Variants in KIRREL3 observed in about 807,000 individuals in gnomAD.
KIRREL3 encodes the protein kirre like nephrin family adhesion molecule 3.
Under a neutral mutation model 89.7 loss-of-function variants are expected in KIRREL3, and 36 were observed. That is an observed-to-expected ratio of 0.40 (90% CI 0.31 to 0.53). The LOEUF is 0.53. Among genes scored for constraint, KIRREL3 ranks in the 20% least tolerant of loss-of-function variants. The pLI is 0.49. For synonymous variants in KIRREL3, 445 were observed against 441.4 expected, an observed-to-expected ratio of 1.01 and a Z score of -0.10; for missense variants, 864 against 1,056.6, an observed-to-expected ratio of 0.82 and a Z score of 2.53.
At chr11:126,726,943 C>G (rs1948409082) in intron 1 of KIRREL3, among the ~76,000 whole-genome samples, 1 of 152,212 alleles carries the variant, frequency 6.6e-6, no homozygotes, top group African/African-American at 2.4e-5. Flanking sequence ...CTCACTCACT[C>G]ACACAGGGAG....
At chr11:126,524,064 T>C (rs1199785319) in intron 3 of KIRREL3, among the ~76,000 whole-genome samples, 3 of 152,342 alleles carry the variant, frequency 2.0e-5, no homozygotes, top group Admixed American at 1.3e-4. Context: ...GAGGCAAAAT[T>C]ACTTAGAGTC....
At chr11:126,949,830 G>A (rs1948726830) in intron 1 of KIRREL3, among the ~76,000 whole-genome samples, 1 of 152,318 alleles carries the variant, frequency 6.6e-6, no homozygotes, top group Non-Finnish European at 1.5e-5. Context: ...GGTACCAGTT[G>A]CATCAACAGA....
chr11:126,979,117 T>C (rs1949656609), intron 1 of KIRREL3, among the ~76,000 whole-genome samples: 1 of 152,220 alleles, frequency 6.6e-6, no homozygotes, highest in African/African-American at 2.4e-5. Context: ...AAAAGACCCG[T>C]CTATAACCAT....
chr11:126,795,075 G>T lies in KIRREL3; in HGVS notation c.55+205380C>A, dbSNP rs1304371036. Among the ~76,000 whole-genome samples the T allele has an allele frequency of 6.6e-6, 1 of 152,194 alleles. No individual in the cohort carries two copies. The highest frequency in any genetic ancestry group is 1.5e-5 in the Non-Finnish European group (1 of 68,038). On this transcript the variant is annotated intron_variant, in intron 1 of 16. Coordinates refer to ENST00000525144, the MANE Select transcript of KIRREL3 (RefSeq NM_032531.4). This position sits in a 1 kb window ranked among gnomAD's most constrained non-coding sequence, Gnocchi z 4.1. ...AAGTTCAGTGTTTGCCAGGGGTTGGGCAGGAGGAGGAGGAGAGAGATGAAT... is the reference window on the plus strand; with the variant it reads ...AAGTTCAGTGTTTGCCAGGGGTTGGTCAGGAGGAGGAGGAGAGAGATGAAT...
chr11:126,909,794 T>C lies in KIRREL3; in HGVS notation c.55+90661A>G, dbSNP rs1946740083. Among the ~76,000 whole-genome samples the C allele has an allele frequency of 6.6e-6, 1 of 152,158 alleles. No individual in the cohort carries two copies. Among genetic ancestry groups the C allele is most frequent in the African/African-American group, 2.4e-5 (1 of 41,446 alleles). ...GCATGAGGCTGAAGCACCGCCATTA[T>C]AAAAAACTTGGTTAAAATATGGATT... On this transcript the variant is annotated intron_variant, in intron 1 of 16. Coordinates refer to ENST00000525144, the MANE Select transcript of KIRREL3 (RefSeq NM_032531.4). This position sits in a 1 kb window ranked among gnomAD's most constrained non-coding sequence, Gnocchi z 4.5.
In KIRREL3 at chr11:126,641,398, TTGCCA is replaced by T. The variant is rs72181455; in HGVS notation, c.56-78491_56-78487del. On this transcript the variant is annotated intron_variant, in intron 1 of 16. Coordinates refer to ENST00000525144, the MANE Select transcript of KIRREL3 (RefSeq NM_032531.4). This position sits in a 1 kb window ranked among gnomAD's most constrained non-coding sequence, Gnocchi z 5.0. ...AGCCTCTTGGTGGTCACAAAGCTAC[TTGCCA>T]CTCTCATCAGATCAGGGTGCAGGGT... Among the ~76,000 whole-genome samples, 21,468 of 151,964 alleles carry T rather than the reference TTGCCA, an allele frequency of 0.14. 1,656 individuals are homozygous for T. The highest frequency in any genetic ancestry group is 0.32 in the East Asian group (1,623 of 5,112).
At position 126,976,874 on chromosome 11, in the gene KIRREL3, T is replaced by C. The variant is rs1043394961; in HGVS notation, c.55+23581A>G. Among the ~76,000 whole-genome samples, 2 of 152,190 alleles carry C rather than the reference T, an allele frequency of 1.3e-5. No individual in the cohort carries two copies. Among genetic ancestry groups the C allele is most frequent in the African/African-American group, 4.8e-5 (2 of 41,426 alleles). ...ACTTAATCCTTGATCTGGGTGACTC[T>C]AAACCACCAACTTGTATGATCTCTT... On this transcript the variant is annotated intron_variant, in intron 1 of 16. Transcript: ENST00000525144. This position sits in a 1 kb window ranked among gnomAD's most constrained non-coding sequence, Gnocchi z 4.2.
At chr11:126,907,698 C>T (rs1946642104) in intron 1 of KIRREL3, among the ~76,000 whole-genome samples, 1 of 152,164 alleles carries the variant, frequency 6.6e-6, no homozygotes, top group African/African-American at 2.4e-5. Context: ...ATGGGATAGA[C>T]AGGCCTTGAG....
chr11:126,667,752 G>C (rs1190450334), intron 1 of KIRREL3, among the ~76,000 whole-genome samples: 1 of 152,116 alleles, frequency 6.6e-6, no homozygotes, highest in East Asian at 1.9e-4. Flanking sequence ...TGTGTGTGTA[G>C]AGGCACTAAT....
chr11:127,000,937 T>C (rs1950301218), upstream of KIRREL3: 8 of 348,644 alleles, frequency 2.3e-5, no homozygotes, highest in Admixed American at 2.8e-4. The surrounding 1 kb of genome is among the most constrained non-coding windows in gnomAD (Gnocchi z 7.1). Context: ...AAAAAGGAGA[T>C]CTATGCAAAA....
At position 126,508,344 on chromosome 11, in the gene KIRREL3, A is replaced by T. The variant is rs956743543; in HGVS notation, c.433+12971T>A. Among the ~76,000 whole-genome samples the T allele has an allele frequency of 6.6e-6, 1 of 152,176 alleles. No individual in the cohort carries two copies. Among genetic ancestry groups the T allele is most frequent in the African/African-American group, 2.4e-5 (1 of 41,452 alleles). On this transcript the variant is annotated intron_variant, in intron 4 of 16. Transcript: ENST00000525144. This position sits in a 1 kb window ranked among gnomAD's most constrained non-coding sequence, Gnocchi z 4.9. ...CTCCTTCACACGGACAGAACAATTT[A>T]GAGGCTCAGAGTGATGGAGAAAGAC... is the stretch of plus-strand genomic sequence containing the variant.
chr11:126,465,988 C>T (rs565797050), intron 5 of KIRREL3, among the ~76,000 whole-genome samples: 4 of 152,250 alleles, frequency 2.6e-5, no homozygotes, highest in Admixed American at 2.0e-4. Context: ...TTTACATTTC[C>T]GTTGTGCTAA....
At chr11:126,952,603 T>C (rs1406334804) in intron 1 of KIRREL3, among the ~76,000 whole-genome samples, 2 of 152,246 alleles carry the variant, frequency 1.3e-5, no homozygotes, top group African/African-American at 2.4e-5. Context: ...GTTTTGGCTT[T>C]TGTTGCCATT....
chr11:126,541,567 G>A lies in KIRREL3; in HGVS notation c.134-14880C>T, dbSNP rs539075758. Among the ~76,000 whole-genome samples the A allele has an allele frequency of 1.3e-4, 20 of 152,270 alleles. No individual in the cohort carries two copies. The South Asian group carries it at 3.5e-3, about 27-fold the overall frequency. ...TGCTATAGCCTTGTCAGTCAGAGAC[G>A]GTTCTAAAACTTCCATGTGCATGAG... On this transcript the variant is annotated intron_variant, in intron 2 of 16. Transcript: ENST00000525144. The surrounding 1 kb of genome is among the most constrained non-coding windows in gnomAD (Gnocchi z 4.8).
At chr11:126,828,220 G>T (rs1943482537) in intron 1 of KIRREL3, among the ~76,000 whole-genome samples, 1 of 152,188 alleles carries the variant, frequency 6.6e-6, no homozygotes, top group Non-Finnish European at 1.5e-5. Context: ...AACAAGCAGG[G>T]TCCCAGTTAA....
intron 1 of KIRREL3, among the ~76,000 whole-genome samples, chr11:126,743,330 A>G (rs926425105): frequency 9.2e-5 from 14 of 152,214 alleles, no homozygotes; most frequent in African/African-American, 3.1e-4. Context: ...CTGGCTGGCT[A>G]TAATAATCAC....
chr11:126,433,222 C>A (rs1955200176), intron 13 of KIRREL3, among the ~76,000 whole-genome samples: 1 of 152,250 alleles, frequency 6.6e-6, no homozygotes, highest in Non-Finnish European at 1.5e-5. Context: ...CTTTGAAAGA[C>A]TGAGCCCCTC....
chr11:126,879,993 T>C lies in KIRREL3; in HGVS notation c.55+120462A>G, dbSNP rs997228969. 8.5e-5 allele frequency among the ~76,000 whole-genome samples: 13 copies of C among 152,224 alleles called. No homozygotes were observed. Among genetic ancestry groups the C allele is most frequent in the Non-Finnish European group, 1.6e-4 (11 of 68,038 alleles). ...TTGTGCCTATGGAAATTCCTTGAGA[T>C]AGAAAAGCTAAAGGCATGAGGTATT... On this transcript the variant is annotated intron_variant, in intron 1 of 16. Transcript: ENST00000525144. This position sits in a 1 kb window ranked among gnomAD's most constrained non-coding sequence, Gnocchi z 5.4.
Position 126,508,751 on chromosome 11 carries a change from G to A in KIRREL3, c.433+12564C>T, listed in dbSNP as rs545497104. 2.6e-5 allele frequency among the ~76,000 whole-genome samples: 4 copies of A among 152,328 alleles called. No individual in the cohort carries two copies. The East Asian group carries it at 7.7e-4, about 29-fold the overall frequency. On this transcript the variant is annotated intron_variant, in intron 4 of 16. Coordinates refer to ENST00000525144, the MANE Select transcript of KIRREL3 (RefSeq NM_032531.4). This position sits in a 1 kb window ranked among gnomAD's most constrained non-coding sequence, Gnocchi z 4.9. Reference sequence around the variant, plus strand: ...CTTTCTTGTGTGTGACCTTGGGCAAGGTAATGAGCCTCTATGTCTCAGCTT... The same window carrying A: ...CTTTCTTGTGTGTGACCTTGGGCAAAGTAATGAGCCTCTATGTCTCAGCTT...
Sources: gnomAD v4.1 joint callset for allele counts (sites outside exome capture counted in the v4.1 genomes callset) on GRCh38, gnomAD v4.1.1 for gene constraint, Gnocchi (gnomAD v3.1) non-coding constraint, MANE v1.5 for transcripts, NCBI Gene and HGNC (gene_info 2026-07-23, HGNC 2026-07-21) for gene names.